The following ROBO1 variants were observed in gnomAD, a reference collection of about 807,000 sequenced individuals.
ROBO1 encodes the protein roundabout homolog 1.
A neutral mutation model predicts 195.9 loss-of-function variants in ROBO1; 149 were observed. The ratio of observed to expected loss-of-function variants is 0.76; its 90% confidence interval spans 0.67 to 0.87. The LOEUF (loss-of-function observed/expected upper bound fraction) is 0.87, where lower values mean the gene tolerates loss of function less well. ROBO1 is among the 40% of genes least tolerant of loss of function. ROBO1 has a pLI of 0.00. For missense variants in ROBO1, 1,933 were observed against 2,068.3 expected, an observed-to-expected ratio of 0.93 and a Z score of 1.27; for synonymous variants, 816 against 733.2, an observed-to-expected ratio of 1.11 and a Z score of -1.82.
In ROBO1 at chr3:79,004,864, A is replaced by C. The variant is rs73122653; in HGVS notation, c.173-65937T>G. Among the ~76,000 whole-genome samples, 430 of 152,326 alleles carry C rather than the reference A, an allele frequency of 2.8e-3. 2 individuals carry two copies. Among genetic ancestry groups the C allele is most frequent in the Non-Finnish European group, 4.4e-3 (297 of 68,022 alleles). ...AAAATGAATTAAACATTCTATTTCT[A>C]TGGTTCACAAAGAAGAAAAGGTCTT... On this transcript the variant is annotated intron_variant, in intron 3 of 30. Coordinates refer to ENST00000464233, the MANE Select transcript of ROBO1 (RefSeq NM_002941.4).
chr3:78,945,004 T>G (rs571718173), intron 3 of ROBO1, among the ~76,000 whole-genome samples: 3 of 152,000 alleles, frequency 2.0e-5, no homozygotes, highest in African/African-American at 7.2e-5. Flanking sequence ...TTTGATTAGG[T>G]AGACAAAGCT....
chr3:78,824,630 C>G (rs772567639), intron 4 of ROBO1, among the ~76,000 whole-genome samples: 7 of 152,104 alleles, frequency 4.6e-5, no homozygotes, highest in Non-Finnish European at 8.8e-5. Flanking sequence ...AACTTAGAAT[C>G]AAGTCCTGAT....
chr3:78,752,366 A>C (rs115834867), intron 4 of ROBO1, among the ~76,000 whole-genome samples: 46 of 152,296 alleles, frequency 3.0e-4, no homozygotes, highest in African/African-American at 1.1e-3. Flanking sequence ...GCAGTGAAGT[A>C]TATGTAAAAT....
chr3:79,303,159 G>GTTTTTTTTTTTTTTT (rs368110549), intron 2 of ROBO1, among the ~76,000 whole-genome samples: 3 of 72,090 alleles, frequency 4.2e-5, no homozygotes, highest in Admixed American at 1.9e-4. Context: ...ATCTCACATA[G>GTTTTTTTTTTTTTTT]GTTTTTTTTT....
At chr3:79,603,829 T>C (rs1430036224) in intron 1 of ROBO1, among the ~76,000 whole-genome samples, 2 of 152,004 alleles carry the variant, frequency 1.3e-5, no homozygotes, top group Non-Finnish European at 2.9e-5. Flanking sequence ...ACTTTCCCAA[T>C]ACCCTCACAT....
chr3:79,734,030 C>T (rs1703270421), intron 1 of ROBO1, among the ~76,000 whole-genome samples: 1 of 151,908 alleles, frequency 6.6e-6, no homozygotes, highest in Admixed American at 6.6e-5. Context: ...TCACTGCAAC[C>T]TCCGCCTCCC....
rs576133794 is a variant in ROBO1, at chr3:78,872,340, A to G, written c.499+66261T>C. 9.9e-5 allele frequency among the ~76,000 whole-genome samples: 15 copies of G among 152,256 alleles called. 1 individual carries two copies. Among genetic ancestry groups the G allele is most frequent in the South Asian group, 6.2e-4 (3 of 4,828 alleles). ...GCCTGCGTGCTTTGATAGGGAAGTGACTCCCAGCTACGCTGAGTTTGGGGG... is the reference window on the plus strand; with the variant it reads ...GCCTGCGTGCTTTGATAGGGAAGTGGCTCCCAGCTACGCTGAGTTTGGGGG... On this transcript the variant is annotated intron_variant, in intron 4 of 30. Coordinates refer to ENST00000464233, the MANE Select transcript of ROBO1 (RefSeq NM_002941.4).
intron 2 of ROBO1, among the ~76,000 whole-genome samples, chr3:79,526,879 C>G (rs1941454929): frequency 6.6e-6 from 1 of 152,064 alleles, no homozygotes; most frequent in Non-Finnish European, 1.5e-5. Context: ...AACAAGAGAA[C>G]ATTTTTCCCT....
At chr3:78,910,723 A>G (rs2038192020) in intron 4 of ROBO1, among the ~76,000 whole-genome samples, 1 of 152,018 alleles carries the variant, frequency 6.6e-6, no homozygotes, top group Non-Finnish European at 1.5e-5. Context: ...AATGCTCGGC[A>G]AATATTTTAC....
chr3:79,021,488 C>A (rs996432220), intron 3 of ROBO1, among the ~76,000 whole-genome samples: 1 of 152,056 alleles, frequency 6.6e-6, no homozygotes, highest in Non-Finnish European at 1.5e-5. Context: ...ATCCCTATTG[C>A]ATTGTTCCCC....
rs529507605 is a variant in ROBO1 at position 79,522,392 on chromosome 3, T to C, written c.88+67432A>G. 5.9e-5 allele frequency among the ~76,000 whole-genome samples: 9 copies of C among 152,240 alleles called. No homozygotes were observed. In the South Asian group the frequency reaches 1.9e-3, roughly 32 times the overall value. On this transcript the variant is annotated intron_variant, in intron 2 of 30. Transcript: ENST00000464233. ...GTTCCTGCAACTGGCAAGCTTCTAT[T>C]TTTCTTTCAAGAAGTGATTGAGAGA...
chr3:79,181,671 T>C (rs1175430774), intron 2 of ROBO1, among the ~76,000 whole-genome samples: 1 of 152,136 alleles, frequency 6.6e-6, no homozygotes, highest in Non-Finnish European at 1.5e-5. Flanking sequence ...TTCATCAGAT[T>C]CATATTTCAT....
At chr3:79,725,753 T>TA (rs2107322038) in intron 1 of ROBO1, among the ~76,000 whole-genome samples, 1 of 152,278 alleles carries the variant, frequency 6.6e-6, no homozygotes, top group African/African-American at 2.4e-5. Flanking sequence ...AATCTGCAGC[T>TA]AAAAGCATCT....
chr3:79,303,619 C>A (rs2033083299), intron 2 of ROBO1, among the ~76,000 whole-genome samples: 1 of 151,980 alleles, frequency 6.6e-6, no homozygotes, highest in South Asian at 2.1e-4. Flanking sequence ...AGCCTTTGAT[C>A]AATAAATAAA....
chr3:78,598,952 AT>A (rs1703001456), intron 30 of ROBO1, 25 bp from the exon 31 acceptor site: 1 of 1,491,762 alleles, frequency 6.7e-7, no homozygotes, highest in Non-Finnish European at 9.2e-7. Flanking sequence ...TTATTGTCAC[AT>A]TTGAAAATAA....
At chr3:79,150,205 G>C (rs888170381) in intron 2 of ROBO1, among the ~76,000 whole-genome samples, 11 of 150,514 alleles carry the variant, frequency 7.3e-5, no homozygotes, top group African/African-American at 2.4e-4. Flanking sequence ...GGTTTGCCTT[G>C]TGACCTCACT....
chr3:78,961,819 T>C (rs1301907401), intron 3 of ROBO1, among the ~76,000 whole-genome samples: 2 of 152,138 alleles, frequency 1.3e-5, no homozygotes, highest in Non-Finnish European at 2.9e-5. Flanking sequence ...CAAAGTTAAT[T>C]TAAATTGAAG....
intron 2 of ROBO1, among the ~76,000 whole-genome samples, chr3:79,152,364 G>A (rs1018521054): frequency 6.6e-6 from 1 of 151,724 alleles, no homozygotes; most frequent in African/African-American, 2.4e-5. Context: ...CAGAAAGAAA[G>A]AGAAAAAAGA....
chr3:79,520,009 A>C (rs1453939875), intron 2 of ROBO1, among the ~76,000 whole-genome samples: 1 of 152,002 alleles, frequency 6.6e-6, no homozygotes, highest in Non-Finnish European at 1.5e-5. Flanking sequence ...AAATTTTAAA[A>C]AAGAAAAAAT....
Sources: allele counts gnomAD v4.1 joint callset (sites outside exome capture counted in the v4.1 genomes callset), GRCh38; gene constraint gnomAD v4.1.1; transcripts MANE v1.5; gene names NCBI Gene and HGNC (gene_info 2026-07-23, HGNC 2026-07-21).